Variants in C21orf58 observed in about 807,000 individuals in gnomAD.
The protein encoded by C21orf58 is uncharacterized protein C21orf58.
A neutral mutation model predicts 35.8 loss-of-function variants in C21orf58; 34 were observed. The ratio of observed to expected loss-of-function variants is 0.95; its 90% confidence interval spans 0.72 to 1.26. The LOEUF is 1.26. Ranked by LOEUF, C21orf58 falls within the 50% of genes most tolerant of loss-of-function variation. C21orf58 has a pLI of 0.00. For missense variants in C21orf58, 440 were observed against 414.3 expected, an observed-to-expected ratio of 1.06 and a Z score of -0.54; for synonymous variants, 191 against 175.8, an observed-to-expected ratio of 1.09 and a Z score of -0.68.
In C21orf58 at chr21:46,301,819, G is replaced by A. The variant is rs559419014; in HGVS notation, c.*180C>T. 28 of 1,261,252 alleles carry A rather than the reference G, an allele frequency of 2.2e-5. No individual in the cohort carries two copies. In the South Asian group the frequency reaches 4.5e-4, roughly 20 times the overall value. The allele number at this position is 1,261,252 out of a possible 1,614,324, so 78.1% of individuals were successfully genotyped here. ...AAGGGATGCCCCCTGGAATGGCCCCGTGACCAGAAAGCGAGCCTGCCCAGC... is the reference window on the plus strand; with the variant it reads ...AAGGGATGCCCCCTGGAATGGCCCCATGACCAGAAAGCGAGCCTGCCCAGC... On this transcript the variant is annotated 3_prime_UTR_variant, in exon 8 of 8. Coordinates refer to ENST00000291691, the MANE Select transcript of C21orf58 (RefSeq NM_058180.5).
intron 1 of C21orf58, among the ~76,000 whole-genome samples, chr21:46,320,108 T>C (rs901726297): frequency 6.6e-5 from 10 of 151,814 alleles, no homozygotes; most frequent in African/African-American, 2.4e-4. Context: ...CCATCTTATG[T>C]ATTTTTTTTT....
At chr21:46,308,464 A>T in intron 6 of C21orf58, among the ~76,000 whole-genome samples, 1 of 152,138 alleles carries the variant, frequency 6.6e-6, no homozygotes. Flanking sequence ...CCATCTCAAA[A>T]AAAAAGAGTT....
chr21:46,315,611 A>G, intron 3 of C21orf58, 64 bp from the exon 4 acceptor site: 1 of 1,020,172 alleles, frequency 9.8e-7, no homozygotes, highest in East Asian at 2.4e-5. Flanking sequence ...AAGCACTCGG[A>G]CTGGATGGTA....
At chr21:46,303,296 G>T (rs1428831377) in intron 6 of C21orf58, among the ~76,000 whole-genome samples, 1 of 152,052 alleles carries the variant, frequency 6.6e-6, no homozygotes, top group Non-Finnish European at 1.5e-5. Context: ...CCATGATCAT[G>T]CCCCTGCACT....
At chr21:46,312,650 A>G (rs866744913) in intron 5 of C21orf58, among the ~76,000 whole-genome samples, 9 of 152,170 alleles carry the variant, frequency 5.9e-5, no homozygotes, top group South Asian at 4.1e-4. Flanking sequence ...GATTACAGGC[A>G]TGAGCCACCA....
chr21:46,300,938 G>T (rs2082086065), downstream of C21orf58: 2 of 804,998 alleles, frequency 2.5e-6, no homozygotes, highest in Non-Finnish European at 3.4e-6. Context: ...TGTCCACATG[G>T]TAAGAAACCC....
intron 6 of C21orf58, among the ~76,000 whole-genome samples, chr21:46,302,986 G>A (rs1273204997): frequency 6.6e-6 from 1 of 151,456 alleles, no homozygotes; most frequent in Non-Finnish European, 1.5e-5. Context: ...CCCGGGGCGC[G>A]CCCTGAGTCT....
At chr21:46,301,027 C>T, downstream of C21orf58, 1 of 1,006,030 alleles carries the variant, frequency 9.9e-7, no homozygotes, top group Non-Finnish European at 1.2e-6. Flanking sequence ...TTTACAGGAA[C>T]AAGAGCTGTG....
Position 46,302,495 on chromosome 21 carries a change from G to C in C21orf58, c.803C>G (p.Pro268Arg), listed in dbSNP as rs575186225. ...GGGGGCTAAGCCTACCTGCAGGGCTGGGGGCAGGGCCTTGAGCATCCAGTT... is the reference window on the plus strand; with the variant it reads ...GGGGGCTAAGCCTACCTGCAGGGCTCGGGGCAGGGCCTTGAGCATCCAGTT... ...LQNWMLKALPPALQDPPHVPP... is the reference protein window; with the variant it reads ...LQNWMLKALPRALQDPPHVPP... Residue 268 changes from proline (P) to arginine (R), a missense_variant, in exon 7 of 8, where the codon CCA becomes CGA. Physicochemically the swap from Pro to Arg is moderately radical, Grantham distance 103. Coordinates refer to ENST00000291691, the MANE Select transcript of C21orf58 (RefSeq NM_058180.5). The C allele has an allele frequency of 9.5e-5, 153 of 1,609,036 alleles. No individual in the cohort carries two copies. The East Asian group carries it at 2.3e-3, about 24-fold the overall frequency.
At chr21:46,316,905 C>G (rs2082994551) in intron 3 of C21orf58, among the ~76,000 whole-genome samples, 3 of 152,236 alleles carry the variant, frequency 2.0e-5, no homozygotes, top group African/African-American at 7.2e-5. Context: ...ACCAGAGCAA[C>G]TGGGTCTGAT....
intron 6 of C21orf58, among the ~76,000 whole-genome samples, chr21:46,307,085 G>A (rs1158541029): frequency 2.0e-5 from 3 of 151,672 alleles, no homozygotes; most frequent in Admixed American, 1.3e-4. Context: ...TAGTAGACAC[G>A]GGATTTCACC....
rs1035913678 is a variant in C21orf58 at position 46,301,472 on chromosome 21, C to G, written c.*527G>C. ...TCTTTAGTGGGAGTCTGTGCCACAG[C>G]TGTGGACACAGGTGTCCCTAGTTAT... On this transcript the variant is annotated 3_prime_UTR_variant, in exon 8 of 8. Coordinates refer to ENST00000291691, the MANE Select transcript of C21orf58 (RefSeq NM_058180.5). The G allele has an allele frequency of 2.4e-6, 2 of 831,728 alleles. No homozygotes were observed. Among genetic ancestry groups the G allele is most frequent in the African/African-American group, 6.3e-5 (1 of 15,788 alleles). 51.5% of individuals were successfully genotyped at this position (831,728 alleles called of 1,614,324 possible).
chr21:46,302,669 G>A, intron 6 of C21orf58, 93 bp from the exon 7 acceptor site: 1 of 963,722 alleles, frequency 1.0e-6, no homozygotes, highest in African/African-American at 1.6e-5. Flanking sequence ...GAACAGGTGT[G>A]TCTGTACACT....
intron 3 of C21orf58, 76 bp from the exon 4 acceptor site, chr21:46,315,623 T>C: frequency 2.1e-6 from 2 of 965,668 alleles, no homozygotes; most frequent in Non-Finnish European, 3.3e-6. Context: ...TGGATGGTAC[T>C]GCACCCATGT....
At chr21:46,300,540 G>T, downstream of C21orf58, 1 of 657,858 alleles carries the variant, frequency 1.5e-6, no homozygotes, top group South Asian at 3.1e-5. Context: ...AGAGCACAGA[G>T]TCTCTGGAAT....
At chr21:46,313,006 G>A (rs2082808280) in intron 5 of C21orf58, 1 of 985,340 alleles carries the variant, frequency 1.0e-6, no homozygotes, top group Non-Finnish European at 1.2e-6. Context: ...TCTTCTAGCT[G>A]TGTGAGGCTG....
At chr21:46,304,507 A>G (rs1365227047) in intron 6 of C21orf58, among the ~76,000 whole-genome samples, 2 of 152,080 alleles carry the variant, frequency 1.3e-5, no homozygotes, top group African/African-American at 4.8e-5. Context: ...AAAACCTCAA[A>G]AAACAAAAAC....
chr21:46,315,154 G>A (rs2082924897), intron 4 of C21orf58: 1 of 807,780 alleles, frequency 1.2e-6, no homozygotes. Context: ...TTTTTTCTAG[G>A]TCTCCCCCTA....
Position 46,311,591 on chromosome 21 carries a change from T to C in C21orf58, c.610-24A>G, listed in dbSNP as rs1487632712. The C allele has an allele frequency of 7.0e-6, 10 of 1,420,524 alleles. No individual in the cohort carries two copies. The African/African-American group carries it at 1.4e-4, about 20-fold the overall frequency. 88.0% of individuals were successfully genotyped at this position (1,420,524 alleles called of 1,614,324 possible). A position where few individuals can be genotyped will look rare whatever the true frequency, so the allele number is the denominator to read the frequency against. ...ACCTAGGAACAGCCAGGTGATTAGCTATCTGCATATGTCCTTGAAGAAAGT... is the reference window on the plus strand; with the variant it reads ...ACCTAGGAACAGCCAGGTGATTAGCCATCTGCATATGTCCTTGAAGAAAGT... On this transcript the variant is annotated intron_variant, in intron 5 of 7. Coordinates refer to ENST00000291691, the MANE Select transcript of C21orf58 (RefSeq NM_058180.5).
Sources: allele counts gnomAD v4.1 joint callset (sites outside exome capture counted in the v4.1 genomes callset), GRCh38; gene constraint gnomAD v4.1.1; transcripts MANE v1.5; gene names NCBI Gene and HGNC (gene_info 2026-07-23, HGNC 2026-07-21).